The following PPIH variants were observed in gnomAD, a reference collection of about 807,000 sequenced individuals.
The protein encoded by PPIH is peptidylprolyl isomerase H.
In PPIH, 16 loss-of-function variants were observed where a neutral mutation model predicts 27.6. The ratio of observed to expected loss-of-function variants is 0.58; its 90% CI spans 0.39 to 0.88. The LOEUF (loss-of-function observed/expected upper bound fraction) is 0.88. PPIH is among the 40% of genes least tolerant of loss of function. The pLI, the probability that PPIH is intolerant of heterozygous loss-of-function variation, is 0.00. For missense variants in PPIH, 155 were observed against 224.1 expected (o/e 0.69, Z 1.97); for synonymous variants, 63 against 76.1 (o/e 0.83, Z 0.90).
At chr1:42,673,965 G>A (rs112563788) in intron 9 of PPIH, among the ~76,000 whole-genome samples, 11 of 152,364 alleles carry the variant, frequency 7.2e-5, no homozygotes, top group African/African-American at 2.2e-4. Context: ...AGACATTCCC[G>A]TAGGGGAAGA....
At chr1:42,665,201 C>T (rs911698465) in intron 6 of PPIH, among the ~76,000 whole-genome samples, 5 of 151,564 alleles carry the variant, frequency 3.3e-5, no homozygotes, top group Non-Finnish European at 5.9e-5. Context: ...GTCAGCAGTT[C>T]GAGACCAGCC....
intron 1 of PPIH, 98 bp downstream of exon 1, chr1:42,658,610 C>T (rs950321666): frequency 5.2e-5 from 73 of 1,404,290 alleles, no homozygotes; most frequent in Non-Finnish European, 6.9e-5. Context: ...GGGAAGCCAG[C>T]CAGAAAGTGA....
At chr1:42,659,391 C>T in intron 3 of PPIH, 131 bp from the exon 4 acceptor site, 1 of 1,614,122 alleles carries the variant, frequency 6.2e-7, no homozygotes. Flanking sequence ...AAGGGTCTGT[C>T]CCTAGTTTAT....
At chr1:42,663,969 G>A (rs771887924) in intron 5 of PPIH, among the ~76,000 whole-genome samples, 6 of 152,128 alleles carry the variant, frequency 3.9e-5, no homozygotes, top group Non-Finnish European at 7.4e-5. Context: ...TGCAAATATG[G>A]CCTTGGTCAA....
At chr1:42,677,860 T>C (rs1271401423), downstream of PPIH, among the ~76,000 whole-genome samples, 1 of 152,218 alleles carries the variant, frequency 6.6e-6, no homozygotes, top group Non-Finnish European at 1.5e-5. Flanking sequence ...CCCTGATGTT[T>C]CTTTCATGAG....
intron 9 of PPIH, among the ~76,000 whole-genome samples, chr1:42,670,626 T>C (rs921302130): frequency 6.6e-6 from 1 of 151,752 alleles, no homozygotes; most frequent in Admixed American, 6.6e-5. Flanking sequence ...CAGGTGGCCA[T>C]TGTACATTCC....
downstream of PPIH, among the ~76,000 whole-genome samples, chr1:42,677,545 C>T (rs1009679593): frequency 5.3e-5 from 8 of 152,136 alleles, no homozygotes; most frequent in Non-Finnish European, 1.0e-4. Flanking sequence ...GCTGTAGCTC[C>T]TGCCTATAAT....
intron 9 of PPIH, chr1:42,675,319 T>G (rs1649829517): frequency 6.6e-6 from 1 of 152,280 alleles, no homozygotes; most frequent in African/African-American, 2.4e-5. Context: ...CAGCTGTGGC[T>G]AACATCAGGT....
At chr1:42,668,053 A>G (rs998154415) in intron 9 of PPIH, among the ~76,000 whole-genome samples, 1 of 152,266 alleles carries the variant, frequency 6.6e-6, no homozygotes, top group Admixed American at 6.5e-5. Context: ...TCAGGAGCTC[A>G]TGGAAAGTAA....
At chr1:42,673,002 G>GTT (rs201021222) in intron 9 of PPIH, among the ~76,000 whole-genome samples, 1 of 140,292 alleles carries the variant, frequency 7.1e-6, no homozygotes, top group Non-Finnish European at 1.6e-5. Context: ...TTCTGGGAGA[G>GTT]TTTTTTTTTT....
At chr1:42,661,816 T>C (rs1340346269) in intron 5 of PPIH, among the ~76,000 whole-genome samples, 1 of 152,218 alleles carries the variant, frequency 6.6e-6, no homozygotes, top group Non-Finnish European at 1.5e-5. Flanking sequence ...CTGCATGGTG[T>C]TGTATAACTG....
intron 9 of PPIH, among the ~76,000 whole-genome samples, chr1:42,669,848 A>G (rs1570397208): frequency 6.6e-6 from 1 of 152,098 alleles, no homozygotes; most frequent in African/African-American, 2.4e-5. Context: ...TCATTTTTCT[A>G]GTATTTTTAA....
At chr1:42,668,171 T>G (rs761792652) in intron 9 of PPIH, among the ~76,000 whole-genome samples, 3 of 152,036 alleles carry the variant, frequency 2.0e-5, no homozygotes, top group Non-Finnish European at 2.9e-5. Context: ...AGTGATGTTT[T>G]GTTTTTCTTT....
intron 9 of PPIH, among the ~76,000 whole-genome samples, chr1:42,673,855 A>G (rs750861620): frequency 7.9e-5 from 12 of 152,246 alleles, no homozygotes; most frequent in Non-Finnish European, 1.5e-4. Context: ...AATAAATTGT[A>G]CCTGTGGATG....
rs556772845 is a variant in PPIH at position 42,663,510 on chromosome 1, C to T, written c.244-1353C>T. Reference sequence around the variant, plus strand: ...CTCCCGGGTGGGTTCAAGCGATTCTCGTGCCTCAGCCTCCCGAGTAGCTGG... The same window carrying T: ...CTCCCGGGTGGGTTCAAGCGATTCTTGTGCCTCAGCCTCCCGAGTAGCTGG... On this transcript the variant is annotated intron_variant, in intron 5 of 9. Transcript: ENST00000304979. Among the ~76,000 whole-genome samples, 6 of 152,188 alleles carry T rather than the reference C, an allele frequency of 3.9e-5. No homozygotes were observed. The South Asian group carries it at 1.2e-3, about 32-fold the overall frequency.
intron 9 of PPIH, among the ~76,000 whole-genome samples, chr1:42,669,002 G>C (rs1292438398): frequency 6.6e-6 from 1 of 151,552 alleles, no homozygotes; most frequent in Non-Finnish European, 1.5e-5. Context: ...TTGAGCTCAG[G>C]AGTTCGAGAC....
At chr1:42,658,780 C>T (rs2148707161) in intron 1 of PPIH, 64 bp from the exon 2 acceptor site, 3 of 1,572,018 alleles carry the variant, frequency 1.9e-6, no homozygotes, top group East Asian at 4.5e-5. Flanking sequence ...CCATCATGCC[C>T]CCTGCTCCGT....
intron 5 of PPIH, among the ~76,000 whole-genome samples, chr1:42,663,801 G>A (rs191047767): frequency 1.3e-5 from 2 of 152,256 alleles, no homozygotes; most frequent in East Asian, 3.9e-4. Flanking sequence ...TATATTAATG[G>A]TAGTTCTTTT....
chr1:42,677,236 G>A (rs1649918544), downstream of PPIH, among the ~76,000 whole-genome samples: 1 of 152,198 alleles, frequency 6.6e-6, no homozygotes, highest in Non-Finnish European at 1.5e-5. Flanking sequence ...CACTTGGGGA[G>A]GCCAAGGTGG....
Sources: gnomAD v4.1 joint callset for allele counts (sites outside exome capture counted in the v4.1 genomes callset) on GRCh38, gnomAD v4.1.1 for gene constraint, MANE v1.5 for transcripts, NCBI Gene and HGNC (gene_info 2026-07-23, HGNC 2026-07-21) for gene names.